FAM149A: variants seen among roughly 807,000 people sequenced by gnomAD.
FAM149A encodes the protein protein FAM149A.
A neutral mutation model predicts 78.2 loss-of-function variants in FAM149A; 71 were observed. That is an observed-to-expected ratio of 0.91 (90% CI 0.75 to 1.11). The LOEUF (loss-of-function observed/expected upper bound fraction) is 1.11. FAM149A is among the 50% of genes least tolerant of loss of function. The probability of loss-of-function intolerance (pLI) is 0.00; values close to 1 mark genes in which losing one functional copy is unlikely to be tolerated. For synonymous variants in FAM149A, 446 were observed against 410.5 expected (o/e 1.09, Z -1.04); for missense variants, 1,036 against 971.0 (o/e 1.07, Z -0.89).
intron 1 of FAM149A, among the ~76,000 whole-genome samples, chr4:186,148,147 T>G (rs566964479): frequency 2.0e-5 from 3 of 152,046 alleles, no homozygotes; most frequent in Non-Finnish European, 4.4e-5. Context: ...GCTAACATGG[T>G]GAAACCCTGT....
chr4:186,126,381 GT>G (rs1271060360), intron 1 of FAM149A, among the ~76,000 whole-genome samples: 1 of 152,118 alleles, frequency 6.6e-6, no homozygotes, highest in African/African-American at 2.4e-5. Context: ...CTGATAAAAC[GT>G]TGTTTTTGGA....
Position 186,172,187 on chromosome 4 carries a change from C to A in FAM149A, c.*200C>A. 1 of 753,570 alleles carries A rather than the reference C, an allele frequency of 1.3e-6. No individual in the cohort carries two copies. The highest frequency in any genetic ancestry group is 1.9e-6 in the Non-Finnish European group (1 of 521,578). The allele number at this position is 753,570 out of a possible 1,614,324, so 46.7% of individuals were successfully genotyped here. On this transcript the variant is annotated 3_prime_UTR_variant, in exon 14 of 14. Coordinates refer to ENST00000389354, the MANE Select transcript of FAM149A (RefSeq NM_001367768.3). ...AGTGAAAGTCAAACCCACCAAGCTG[C>A]CTTGCTGAAAGCATCTCCAAGGTTC...
At chr4:186,118,348 C>A in intron 1 of FAM149A, 2 of 520,634 alleles carry the variant, frequency 3.8e-6, no homozygotes, top group Non-Finnish European at 2.5e-6. Context: ...GCTACTTGTT[C>A]CCTGTCCATG....
At chr4:186,127,360 T>C in intron 1 of FAM149A, 3 of 985,458 alleles carry the variant, frequency 3.0e-6, no homozygotes, top group African/African-American at 3.5e-5. Context: ...CCAGTCTACC[T>C]GGATTCCACA....
chr4:186,117,448 AAG>A lies in FAM149A; in HGVS notation c.566+11812_566+11813del, dbSNP rs1485886918. ...GACACACTGCTGTGAGCACACAGCT[AAG>A]AGAGAAGAGGAGGCGCGGAGATGAT... On this transcript the variant is annotated intron_variant, in intron 1 of 13. Transcript: ENST00000389354. 10 of 985,284 alleles carry A rather than the reference AAG, an allele frequency of 1.0e-5. No individual in the cohort carries two copies. The East Asian group carries it at 1.0e-3, about 101-fold the overall frequency. The allele number at this position is 985,284 out of a possible 1,614,324, so 61.0% of individuals were successfully genotyped here.
intron 1 of FAM149A, among the ~76,000 whole-genome samples, chr4:186,145,270 G>T (rs1201534944): frequency 2.0e-5 from 3 of 152,292 alleles, no homozygotes; most frequent in African/African-American, 7.2e-5. Context: ...GCGGGGAAGC[G>T]TTCGCCGCCA....
intron 1 of FAM149A, chr4:186,116,520 G>A (rs1198606788): frequency 5.1e-6 from 5 of 985,086 alleles, no homozygotes; most frequent in Non-Finnish European, 6.0e-6. Flanking sequence ...GCTTATACCC[G>A]AGAAAACAAT....
chr4:186,169,200 C>T (rs998345167), intron 13 of FAM149A: 1 of 983,990 alleles, frequency 1.0e-6, no homozygotes, highest in Non-Finnish European at 1.2e-6. Context: ...TTATCAGTAA[C>T]TTTTTTTCCT....
intron 1 of FAM149A, chr4:186,133,044 G>T (rs2099321405): frequency 1.0e-6 from 1 of 985,290 alleles, no homozygotes; most frequent in Non-Finnish European, 1.2e-6. Flanking sequence ...GCTTAGGAAT[G>T]TGAGTAAAGG....
intron 1 of FAM149A, among the ~76,000 whole-genome samples, chr4:186,137,667 C>T (rs1255827297): frequency 2.0e-5 from 3 of 151,844 alleles, no homozygotes; most frequent in Non-Finnish European, 4.4e-5. Context: ...GCCACCATTT[C>T]AATATTACAT....
intron 3 of FAM149A, chr4:186,151,093 G>A (rs996041025): frequency 1.0e-6 from 1 of 984,054 alleles, no homozygotes; most frequent in Non-Finnish European, 1.2e-6. Flanking sequence ...ATTCTCAGGG[G>A]AGCCGGCAGG....
chr4:186,117,352 A>G (rs756056599), intron 1 of FAM149A: 28 of 835,404 alleles, frequency 3.4e-5, no homozygotes, highest in Non-Finnish European at 4.0e-5. Context: ...TTGAGTAATT[A>G]GGGAAAGAAC....
chr4:186,163,935 A>G (rs1393290158), intron 10 of FAM149A, among the ~76,000 whole-genome samples: 1 of 152,222 alleles, frequency 6.6e-6, no homozygotes, highest in Non-Finnish European at 1.5e-5. Flanking sequence ...ATGCCTTTCA[A>G]TTACATAATT....
At chr4:186,160,799 CACAT>C in intron 8 of FAM149A, 2 of 984,582 alleles carry the variant, frequency 2.0e-6, no homozygotes, top group Non-Finnish European at 2.4e-6. Flanking sequence ...CACACACACA[CACAT>C]CTCCCCACAT....
intron 1 of FAM149A, among the ~76,000 whole-genome samples, chr4:186,130,314 T>TATATATAAATAA (rs141900902): frequency 8.6e-6 from 1 of 116,456 alleles, no homozygotes; most frequent in Non-Finnish European, 1.7e-5. Flanking sequence ...TATATATATA[T>TATATATAAATAA]AATCTATATC....
intron 1 of FAM149A, chr4:186,133,006 C>T: frequency 1.0e-6 from 1 of 985,300 alleles, no homozygotes; most frequent in Admixed American, 6.1e-5. Flanking sequence ...ACGAGCTCTG[C>T]CTATAGAGCT....
chr4:186,157,836 G>A (rs565457050), intron 8 of FAM149A, 117 bp downstream of exon 8: 24 of 1,552,930 alleles, frequency 1.5e-5, no homozygotes, highest in Middle Eastern at 1.7e-4. Context: ...CACGCTGCCC[G>A]CAGAGGGGTC....
intron 1 of FAM149A, chr4:186,146,557 A>C (rs1257520096): frequency 9.4e-6 from 9 of 956,148 alleles, no homozygotes; most frequent in Non-Finnish European, 1.1e-5. Flanking sequence ...TGAATTTCCT[A>C]GAGGAATAAA....
chr4:186,117,985 G>T, intron 1 of FAM149A: 1 of 985,398 alleles, frequency 1.0e-6, no homozygotes, highest in Non-Finnish European at 1.2e-6. Context: ...AGAAGATGCG[G>T]GTTTGTCATG....
Sources: allele counts gnomAD v4.1 joint callset (sites outside exome capture counted in the v4.1 genomes callset), GRCh38; gene constraint gnomAD v4.1.1; transcripts MANE v1.5; gene names NCBI Gene and HGNC (gene_info 2026-07-23, HGNC 2026-07-21).